Variants in KALRN observed in about 807,000 individuals in gnomAD.
KALRN encodes the protein kalirin RhoGEF kinase, also known as kalirin.
KALRN carries 70 observed loss-of-function variants against 353.7 expected under a neutral mutation model. The ratio of observed to expected loss-of-function variants is 0.20; its 90% CI spans 0.16 to 0.24. The LOEUF (loss-of-function observed/expected upper bound fraction) is 0.24. KALRN is among the 10% of genes least tolerant of loss of function. The probability of loss-of-function intolerance (pLI) is 1.00; values close to 1 mark genes in which losing one functional copy is unlikely to be tolerated. For synonymous variants in KALRN, 1,391 were observed against 1,434.8 expected, an observed-to-expected ratio of 0.97 and a Z score of 0.69; for missense variants, 2,791 against 3,756.7, an observed-to-expected ratio of 0.74 and a Z score of 6.72.
chr3:124,565,571 C>T (rs1271537318), intron 34 of KALRN, among the ~76,000 whole-genome samples: 2 of 152,192 alleles, frequency 1.3e-5, no homozygotes, highest in Non-Finnish European at 2.9e-5. Flanking sequence ...GTTGAGAGAC[C>T]CATCTGCAGA....
chr3:124,267,234 C>T (rs1259425058), intron 4 of KALRN, among the ~76,000 whole-genome samples: 2 of 152,130 alleles, frequency 1.3e-5, no homozygotes, highest in South Asian at 2.1e-4. Flanking sequence ...GAGGACTTCC[C>T]GGAAGTGGTA....
intron 15 of KALRN, among the ~76,000 whole-genome samples, chr3:124,425,521 T>A (rs891773139): frequency 1.3e-5 from 2 of 152,166 alleles, no homozygotes; most frequent in African/African-American, 4.8e-5. Context: ...GTGGCACCTG[T>A]CTGAGGTCAG....
intron 19 of KALRN, 37 bp downstream of exon 19, chr3:124,442,096 G>A (rs747578474): frequency 1.5e-6 from 2 of 1,330,474 alleles, no homozygotes; most frequent in South Asian, 2.6e-5. Context: ...AGTCACTTCA[G>A]CGACAGCCCC....
At chr3:124,044,782 G>A (rs2040280884) in intron 1 of KALRN, among the ~76,000 whole-genome samples, 1 of 151,582 alleles carries the variant, frequency 6.6e-6, no homozygotes, top group African/African-American at 2.4e-5. Context: ...CCAGTTAGAT[G>A]AATCCCTTTA....
rs1553894155 is a variant in KALRN, at chr3:124,286,139, C to CTTTCTTTCTTTCTTT, written c.970-12652_970-12651insTTTCTTTCTTTCTTT. The stretch of plus-strand genomic sequence containing the variant: ...TCTTTCTTTCTTTCTTTCTTTCTTT[C>CTTTCTTTCTTTCTTT]CTTTCTTTCTTTCCTTTCTTTCGTC... On this transcript the variant is annotated intron_variant, in intron 5 of 59. Transcript: ENST00000682506. Among the ~76,000 whole-genome samples the CTTTCTTTCTTTCTTT allele has an allele frequency of 2.2e-4, 9 of 41,764 alleles. No homozygotes were observed. In the East Asian group the frequency reaches 4.9e-3, roughly 23 times the overall value. The allele number at this position is 41,764 out of a possible 152,430, so 27.4% of individuals were successfully genotyped here.
chr3:124,487,397 G>A (rs1027675147), intron 28 of KALRN, among the ~76,000 whole-genome samples: 3 of 152,156 alleles, frequency 2.0e-5, no homozygotes, highest in African/African-American at 4.8e-5. Context: ...AAAGAAAGAG[G>A]GTATTGCCCC....
intron 33 of KALRN, among the ~76,000 whole-genome samples, chr3:124,499,427 C>A (rs2064255721): frequency 6.6e-6 from 1 of 152,162 alleles, no homozygotes; most frequent in Non-Finnish European, 1.5e-5. Context: ...AACCATTAGA[C>A]ATTCAGTAAA....
chr3:124,651,529 T>G (rs943863913), intron 38 of KALRN, among the ~76,000 whole-genome samples: 1 of 152,228 alleles, frequency 6.6e-6, no homozygotes, highest in Non-Finnish European at 1.5e-5. Flanking sequence ...GAGTTACCTA[T>G]GTTGATATGA....
At chr3:124,656,188 C>A (rs2083998529) in intron 39 of KALRN, among the ~76,000 whole-genome samples, 1 of 151,840 alleles carries the variant, frequency 6.6e-6, no homozygotes, top group Admixed American at 6.6e-5. Flanking sequence ...TTAAACAAAT[C>A]TAGCTCTGTA....
At chr3:124,380,496 GA>G (rs1396576153) in intron 10 of KALRN, among the ~76,000 whole-genome samples, 1 of 152,182 alleles carries the variant, frequency 6.6e-6, no homozygotes, top group East Asian at 1.9e-4. Context: ...GGTCCTACCT[GA>G]AAGCTCCAAC....
chr3:124,265,189 C>T (rs2073356626), intron 4 of KALRN, among the ~76,000 whole-genome samples: 1 of 151,648 alleles, frequency 6.6e-6, no homozygotes, highest in South Asian at 2.1e-4. Flanking sequence ...TTGAAATATA[C>T]CATAAATGAT....
Position 124,562,992 on chromosome 3 carries a change from G to C in KALRN, c.5085G>C (p.Arg1695=). The change falls in exon 34 of 60, where the codon CGG becomes CGC. Residue 1695 remains arginine, a synonymous_variant. Transcript: ENST00000682506. ...GGTGTCTGGTCCGTACCACCGAACG[G>C]AGCCCGCCCTTGGAGGGTCTGGTCC... ...PGWCLVRTTE[R]SPPLEGLVPS... The C allele has an allele frequency of 7.3e-7, 1 of 1,367,924 alleles. No homozygotes were observed. Among genetic ancestry groups the C allele is most frequent in the Non-Finnish European group, 9.8e-7 (1 of 1,022,010 alleles). 84.7% of individuals were successfully genotyped at this position (1,367,924 alleles called of 1,614,324 possible).
At chr3:124,317,677 CCAGTGTCA>C (rs2078939827) in intron 6 of KALRN, among the ~76,000 whole-genome samples, 1 of 128,522 alleles carries the variant, frequency 7.8e-6, no homozygotes, top group African/African-American at 3.0e-5. Context: ...CTAGGTGAAG[CCAGTGTCA>C]CAGATCAAGC....
chr3:124,417,647 G>A (rs781477221), intron 14 of KALRN, among the ~76,000 whole-genome samples: 4 of 152,174 alleles, frequency 2.6e-5, no homozygotes, highest in African/African-American at 9.7e-5. Flanking sequence ...TCTTCTCCTT[G>A]AGCATAAAGG....
At chr3:124,194,356 G>A (rs963524221) in intron 1 of KALRN, among the ~76,000 whole-genome samples, 2 of 152,020 alleles carry the variant, frequency 1.3e-5, no homozygotes, top group African/African-American at 2.4e-5. Flanking sequence ...GGGTTAGGAG[G>A]CTTTGGTGTC....
At chr3:124,045,615 C>T (rs964601165) in intron 1 of KALRN, among the ~76,000 whole-genome samples, 1 of 152,120 alleles carries the variant, frequency 6.6e-6, no homozygotes, top group African/African-American at 2.4e-5. Flanking sequence ...TTTCAGTGAG[C>T]AGATCTCTTC....
At chr3:124,402,947 C>T (rs2091053386) in intron 13 of KALRN, among the ~76,000 whole-genome samples, 1 of 152,202 alleles carries the variant, frequency 6.6e-6, no homozygotes, top group African/African-American at 2.4e-5. Flanking sequence ...CTTCAAACTG[C>T]AGTTTCTTTG....
intron 34 of KALRN, among the ~76,000 whole-genome samples, chr3:124,594,822 G>A (rs1267548481): frequency 1.3e-5 from 2 of 152,064 alleles, no homozygotes; most frequent in Non-Finnish European, 2.9e-5. Context: ...GGAGCCTCAG[G>A]ATTTACCCCT....
At chr3:124,040,581 C>T (rs139647911) in intron 1 of KALRN, among the ~76,000 whole-genome samples, 57 of 152,290 alleles carry the variant, frequency 3.7e-4, no homozygotes, top group South Asian at 6.2e-4. Flanking sequence ...GATGGAGAAA[C>T]GCTGGTATAG....
Sources: allele counts gnomAD v4.1 joint callset (sites outside exome capture counted in the v4.1 genomes callset), GRCh38; gene constraint gnomAD v4.1.1; transcripts MANE v1.5; gene names NCBI Gene and HGNC (gene_info 2026-07-23, HGNC 2026-07-21).